DPP6: variants seen among roughly 807,000 people sequenced by gnomAD.
DPP6 encodes the protein dipeptidyl peptidase like 6.
DPP6 carries 69 observed loss-of-function variants against 122.6 expected under a neutral mutation model. The ratio of observed to expected loss-of-function variants is 0.56; its 90% CI spans 0.46 to 0.69. DPP6 has a LOEUF of 0.69. Ranked by LOEUF, DPP6 falls within the 30% of genes least tolerant of loss-of-function variation. The pLI, the probability that DPP6 is intolerant of heterozygous loss-of-function variation, is 0.00. For missense variants in DPP6, 928 were observed against 1,116.9 expected (o/e 0.83, Z 2.41); for synonymous variants, 418 against 433.1 (o/e 0.97, Z 0.43).
intron 5 of DPP6, among the ~76,000 whole-genome samples, chr7:154,585,991 T>C (rs996871121): frequency 6.6e-6 from 1 of 152,026 alleles, no homozygotes; most frequent in African/African-American, 2.4e-5. Context: ...AAGAACCCCC[T>C]AAGTGCAGGC....
chr7:154,779,924 G>A (rs566826671), intron 10 of DPP6, among the ~76,000 whole-genome samples: 1 of 152,072 alleles, frequency 6.6e-6, no homozygotes, highest in African/African-American at 2.4e-5. Context: ...AATTTTTTTT[G>A]GACGTGGTCT....
At chr7:154,423,866 G>A (rs796169402) in intron 1 of DPP6, among the ~76,000 whole-genome samples, 7 of 152,292 alleles carry the variant, frequency 4.6e-5, no homozygotes, top group African/African-American at 1.7e-4. Flanking sequence ...GAACTATTGA[G>A]TGCAAGTTAA....
At chr7:154,277,893 A>T (rs1437165034) in intron 1 of DPP6, among the ~76,000 whole-genome samples, 1 of 152,168 alleles carries the variant, frequency 6.6e-6, no homozygotes, top group Non-Finnish European at 1.5e-5. Context: ...TAGTGACCTT[A>T]ACAGTGCATA....
In DPP6 at chr7:154,403,063, A is replaced by G. The variant is rs537174487; in HGVS notation, c.244-43151A>G. Among the ~76,000 whole-genome samples the G allele has an allele frequency of 3.3e-5, 5 of 152,364 alleles. No individual in the cohort carries two copies. In the South Asian group the frequency reaches 1.0e-3, roughly 32 times the overall value. Reference sequence around the variant, plus strand: ...ATAGCTAATTATCAGAGTTATTTATATGACTGTGTCAGGTACCTGCCTGAA... The same window carrying G: ...ATAGCTAATTATCAGAGTTATTTATGTGACTGTGTCAGGTACCTGCCTGAA... On this transcript the variant is annotated intron_variant, in intron 1 of 25. Transcript: ENST00000377770. The surrounding 1 kb of genome is among the most constrained non-coding windows in gnomAD (Gnocchi z 4.1).
chr7:154,575,442 G>A (rs1378908639), intron 5 of DPP6, among the ~76,000 whole-genome samples: 1 of 104,742 alleles, frequency 9.5e-6, no homozygotes, highest in Non-Finnish European at 1.8e-5. Context: ...TATGTGTGTG[G>A]TGTGTGTATG....
At chr7:153,994,100 C>A (rs1168220858) in intron 1 of DPP6, among the ~76,000 whole-genome samples, 2 of 151,886 alleles carry the variant, frequency 1.3e-5, no homozygotes, top group Admixed American at 6.6e-5. Flanking sequence ...AATTAAGTGA[C>A]CTCTCTGGTT....
At chr7:154,165,792 G>A (rs1483806597) in intron 1 of DPP6, among the ~76,000 whole-genome samples, 2 of 152,278 alleles carry the variant, frequency 1.3e-5, no homozygotes, top group East Asian at 1.9e-4. Context: ...ATTTTTGGCT[G>A]CATAAATGTC....
intron 1 of DPP6, among the ~76,000 whole-genome samples, chr7:154,367,900 G>A (rs778309886): frequency 1.5e-4 from 23 of 152,236 alleles, no homozygotes; most frequent in Non-Finnish European, 2.1e-4. Flanking sequence ...TCCGCCTCCC[G>A]GGTTCAAGCG....
In DPP6 at chr7:154,760,467, G is replaced by A. The variant is rs549708802; in HGVS notation, c.884-8950G>A. Among the ~76,000 whole-genome samples the A allele has an allele frequency of 3.0e-4, 45 of 152,226 alleles. No homozygotes were observed. Among genetic ancestry groups the A allele is most frequent in the African/African-American group, 6.0e-4 (25 of 41,554 alleles). ...TCTCTTATCTCGGGGCGGAGGGAGC[G>A]TCAGTGTTTCAGCAGGTTGTTTCTA... On this transcript the variant is annotated intron_variant, in intron 8 of 25. Transcript: ENST00000377770. The surrounding 1 kb of genome is among the most constrained non-coding windows in gnomAD (Gnocchi z 4.5).
At chr7:154,104,782 G>A (rs1456622315) in intron 1 of DPP6, among the ~76,000 whole-genome samples, 1 of 152,196 alleles carries the variant, frequency 6.6e-6, no homozygotes, top group Admixed American at 6.5e-5. Flanking sequence ...GCTGGGAGTG[G>A]TGGCACACCT....
intron 2 of DPP6, among the ~76,000 whole-genome samples, chr7:154,452,187 A>G (rs2151300256): frequency 6.6e-6 from 1 of 152,368 alleles, no homozygotes. Context: ...AGAAGATGCC[A>G]GTACTTCCCA....
At position 154,720,229 on chromosome 7, in the gene DPP6, A is replaced by G. The variant is rs1238419068; in HGVS notation, c.763-7538A>G. ...ACTGAGGAGGGAACACACCTGTGCT[A>G]TGCCCAGGAGAGGAGGCACCAGCAG... On this transcript the variant is annotated intron_variant, in intron 7 of 25. Transcript: ENST00000377770. Among the ~76,000 whole-genome samples the G allele has an allele frequency of 3.3e-5, 5 of 152,168 alleles. No individual in the cohort carries two copies. The East Asian group carries it at 9.7e-4, about 29-fold the overall frequency.
intron 1 of DPP6, among the ~76,000 whole-genome samples, chr7:154,150,101 A>T (rs1256455448): frequency 6.6e-6 from 1 of 152,232 alleles, no homozygotes; most frequent in Non-Finnish European, 1.5e-5. Flanking sequence ...CTGATGCCTT[A>T]TTATGATGTC....
intron 1 of DPP6, among the ~76,000 whole-genome samples, chr7:154,365,456 A>G (rs562193299): frequency 6.6e-6 from 1 of 152,276 alleles, no homozygotes; most frequent in South Asian, 2.1e-4. Context: ...CCTGTTTTCT[A>G]TGGAGAGATG....
At chr7:154,697,220 G>T (rs1840269249) in intron 7 of DPP6, among the ~76,000 whole-genome samples, 1 of 152,190 alleles carries the variant, frequency 6.6e-6, no homozygotes, top group African/African-American at 2.4e-5. Context: ...TCCTGGCAGA[G>T]TTGGCTTCAT....
chr7:154,719,401 G>A (rs3807260), intron 7 of DPP6, among the ~76,000 whole-genome samples: 85,608 of 152,076 alleles, frequency 0.56, 25,179 homozygotes, highest in South Asian at 0.77. Flanking sequence ...GGAAGGAAGG[G>A]AGGATGGAAC....
chr7:154,055,709 G>A (rs1458826556), intron 1 of DPP6: 1 of 152,098 alleles, frequency 6.6e-6, no homozygotes, highest in Non-Finnish European at 1.5e-5. Context: ...GCTGTCTGAG[G>A]TGCTGAAACC....
intron 1 of DPP6, among the ~76,000 whole-genome samples, chr7:154,342,137 C>G (rs560812295): frequency 6.6e-6 from 1 of 152,262 alleles, no homozygotes; most frequent in East Asian, 1.9e-4. Flanking sequence ...GACATTACAG[C>G]TGAGATGGTT....
chr7:154,295,002 C>T (rs910397967), intron 1 of DPP6, among the ~76,000 whole-genome samples: 12 of 152,210 alleles, frequency 7.9e-5, no homozygotes, highest in Admixed American at 2.6e-4. Context: ...ATGGTGGTGC[C>T]GTGCCATCGA....
Sources: gnomAD v4.1 joint callset for allele counts (sites outside exome capture counted in the v4.1 genomes callset) on GRCh38, gnomAD v4.1.1 for gene constraint, Gnocchi (gnomAD v3.1) non-coding constraint, MANE v1.5 for transcripts, NCBI Gene and HGNC (gene_info 2026-07-23, HGNC 2026-07-21) for gene names.